PCDHA9: variants seen among roughly 807,000 people sequenced by gnomAD.
PCDHA9 encodes the protein protocadherin alpha 9, also known as protocadherin alpha-9.
PCDHA9 carries 62 observed loss-of-function variants against 62.0 expected under a neutral mutation model. That is an observed-to-expected ratio of 1.00 (90% CI 0.81 to 1.23). The LOEUF is 1.23. Ranked by LOEUF, PCDHA9 falls within the 50% of genes most tolerant of loss-of-function variation. The probability of loss-of-function intolerance (pLI) is 0.00; values close to 1 mark genes in which losing one functional copy is unlikely to be tolerated. For missense variants in PCDHA9, 1,205 were observed against 1,249.8 expected (o/e 0.96, Z 0.54); for synonymous variants, 557 against 567.6 (o/e 0.98, Z 0.27).
intron 1 of PCDHA9, chr5:140,859,474 T>TA: frequency 4.8e-6 from 1 of 210,386 alleles, no homozygotes; most frequent in Non-Finnish European, 9.2e-6. Context: ...CTATCAATTG[T>TA]GTTTTCCTGA....
In PCDHA9 at chr5:141,012,204, T is replaced by C. The variant is rs1053312501; in HGVS notation, c.*2267T>C. The C allele has an allele frequency of 1.3e-5, 2 of 153,800 alleles. No homozygotes were observed. Among genetic ancestry groups the C allele is most frequent in the African/African-American group, 4.8e-5 (2 of 41,474 alleles). 9.5% of individuals were successfully genotyped at this position (153,800 alleles called of 1,614,324 possible). On this transcript the variant is annotated 3_prime_UTR_variant, in exon 4 of 4. Transcript: ENST00000532602. ...TATAATGTATCTGTACAGCACTTTT[T>C]ACATTTGCGAAGTGCTTTCCAATCC...
chr5:140,852,464 G>A (rs2042343085), intron 1 of PCDHA9: 1 of 189,256 alleles, frequency 5.3e-6, no homozygotes, highest in Non-Finnish European at 1.1e-5. Context: ...TTTTAGTAGA[G>A]ATGGGGTTTC....
At chr5:140,994,573 C>A (rs1587629172) in intron 3 of PCDHA9, among the ~76,000 whole-genome samples, 1 of 152,000 alleles carries the variant, frequency 6.6e-6, no homozygotes, top group African/African-American at 2.4e-5. Context: ...GGTGTGGTGG[C>A]ATGCACTTGT....
intron 1 of PCDHA9, among the ~76,000 whole-genome samples, chr5:140,947,593 T>C (rs2094149533): frequency 1.3e-5 from 2 of 151,712 alleles, no homozygotes; most frequent in African/African-American, 2.4e-5. Context: ...TAGATCAATT[T>C]AGGGAAGATT....
Position 140,986,801 on chromosome 5 carries a change from T to C in PCDHA9, c.2542+4238T>C, listed in dbSNP as rs1381514203. ...CGGAAGCCACTAAGGCAGTGAGTCT[T>C]AGTTAGAGAACTTTGGTTTAGACAA... On this transcript the variant is annotated intron_variant, in intron 3 of 3. Coordinates refer to ENST00000532602, the MANE Select transcript of PCDHA9 (RefSeq NM_031857.2). 2.0e-5 allele frequency among the ~76,000 whole-genome samples: 3 copies of C among 152,144 alleles called. No homozygotes were observed. The East Asian group carries it at 5.8e-4, about 29-fold the overall frequency.
intron 1 of PCDHA9, among the ~76,000 whole-genome samples, chr5:140,936,528 T>C (rs2091012406): frequency 6.6e-6 from 1 of 152,244 alleles, no homozygotes; most frequent in Non-Finnish European, 1.5e-5. Flanking sequence ...TGAAATTGCT[T>C]TTGAATATAG....
At chr5:140,971,843 G>A (rs1250084892) in intron 1 of PCDHA9, among the ~76,000 whole-genome samples, 2 of 151,906 alleles carry the variant, frequency 1.3e-5, no homozygotes, top group African/African-American at 4.8e-5. Flanking sequence ...TGCAAGTCAT[G>A]CGTTAAATAT....
intron 1 of PCDHA9, among the ~76,000 whole-genome samples, chr5:140,873,809 C>T (rs1554166897): frequency 6.6e-6 from 1 of 152,138 alleles, no homozygotes; most frequent in Non-Finnish European, 1.5e-5. Context: ...TACAGGCATG[C>T]ACCACCACTC....
At position 140,853,837 on chromosome 5, in the gene PCDHA9, T is replaced by C. The variant is rs1554146872; in HGVS notation, c.2394+2948T>C. 17 of 986,750 alleles carry C rather than the reference T, an allele frequency of 1.7e-5. 2 individuals are homozygous for C. The highest frequency in any genetic ancestry group is 1.8e-5 in the Non-Finnish European group (15 of 818,856). The allele number at this position is 986,750 out of a possible 1,614,324, so 61.1% of individuals were successfully genotyped here. A position where few individuals can be genotyped will look rare whatever the true frequency, so the allele number is the denominator to read the frequency against. On this transcript the variant is annotated intron_variant, in intron 1 of 3. Transcript: ENST00000532602. ...GATGATTCTCATACAACCGAAATTT[T>C]AGATCCATAGCCCTATTTGATACTT... is the stretch of plus-strand genomic sequence containing the variant.
intron 1 of PCDHA9, chr5:140,927,199 G>A: frequency 4.3e-6 from 7 of 1,614,128 alleles, no homozygotes; most frequent in Non-Finnish European, 5.9e-6. Context: ...GGTGCTCGAG[G>A]ACCCGCTGGA....
intron 1 of PCDHA9, among the ~76,000 whole-genome samples, chr5:140,941,693 G>C (rs2093147737): frequency 6.6e-6 from 1 of 151,900 alleles, no homozygotes; most frequent in South Asian, 2.1e-4. Flanking sequence ...TTACCTCTTT[G>C]GGCTTAGCTT....
At chr5:140,944,304 C>T (rs1383475197) in intron 1 of PCDHA9, among the ~76,000 whole-genome samples, 1 of 152,162 alleles carries the variant, frequency 6.6e-6, no homozygotes, top group Non-Finnish European at 1.5e-5. Context: ...CCTCCTACCT[C>T]AGCCTCCTGA....
At position 140,969,258 on chromosome 5, in the gene PCDHA9, A is replaced by T. The variant is rs782513796; in HGVS notation, c.2395-9691A>T. ...CAAGCAGCAGTGACTGACAGCAGGA[A>T]TCTCACAGGCCAAAGTGGTCAGAAT... On this transcript the variant is annotated intron_variant, in intron 1 of 3. Transcript: ENST00000532602. The T allele has an allele frequency of 3.7e-6, 6 of 1,614,106 alleles. No homozygotes were observed. The East Asian group carries it at 1.3e-4, about 36-fold the overall frequency.
At chr5:140,969,963 AT>A (rs2096372822) in intron 1 of PCDHA9, among the ~76,000 whole-genome samples, 1 of 152,204 alleles carries the variant, frequency 6.6e-6, no homozygotes. Context: ...CTTTGGCTGT[AT>A]GATGTGGCAA....
intron 1 of PCDHA9, chr5:140,929,046 C>CT (rs1229193922): frequency 6.2e-7 from 1 of 1,614,206 alleles, no homozygotes; most frequent in Non-Finnish European, 8.5e-7. Flanking sequence ...CTCAGAGCTG[C>CT]TGTCGCTCTA....
intron 1 of PCDHA9, chr5:140,876,965 G>C (rs1554169161): frequency 1.9e-6 from 3 of 1,612,976 alleles, no homozygotes; most frequent in East Asian, 2.2e-5. Flanking sequence ...GTGGAGCGGC[G>C]GGTGGGCGAG....
intron 1 of PCDHA9, among the ~76,000 whole-genome samples, chr5:140,878,533 CA>C (rs2057632489): frequency 6.6e-6 from 1 of 152,156 alleles, no homozygotes; most frequent in Admixed American, 6.5e-5. Context: ...AACTGTGGCT[CA>C]AACCAGTTTC....
intron 1 of PCDHA9, among the ~76,000 whole-genome samples, chr5:140,975,537 C>T (rs1554236874): frequency 6.6e-6 from 1 of 152,166 alleles, no homozygotes; most frequent in African/African-American, 2.4e-5. Context: ...ATTCTTAATA[C>T]AGTCCTATTA....
intron 3 of PCDHA9, among the ~76,000 whole-genome samples, chr5:140,985,614 C>G (rs2097160648): frequency 6.6e-6 from 1 of 152,100 alleles, no homozygotes; most frequent in East Asian, 1.9e-4. Flanking sequence ...TTCCGTGAAC[C>G]AGCTGTGTAT....
Sources: gnomAD v4.1 joint callset for allele counts (sites outside exome capture counted in the v4.1 genomes callset) on GRCh38, gnomAD v4.1.1 for gene constraint, MANE v1.5 for transcripts, NCBI Gene and HGNC (gene_info 2026-07-23, HGNC 2026-07-21) for gene names.